The following IMPG1 variants were observed in gnomAD, a reference collection of about 807,000 sequenced individuals.
The protein encoded by IMPG1 is interphotoreceptor matrix proteoglycan 1.
Under a neutral mutation model 92.0 loss-of-function variants are expected in IMPG1, and 85 were observed. The ratio of observed to expected loss-of-function variants is 0.92; its 90% CI spans 0.78 to 1.11. IMPG1 has a LOEUF of 1.11. Ranked by LOEUF, IMPG1 falls within the 50% of genes least tolerant of loss-of-function variation. IMPG1 has a pLI of 0.00. For synonymous variants in IMPG1, 367 were observed against 334.1 expected (o/e 1.10, Z -1.08); for missense variants, 1,022 against 956.0 (o/e 1.07, Z -0.91).
intron 12 of IMPG1, among the ~76,000 whole-genome samples, chr6:75,954,339 T>C (rs1309124390): frequency 6.6e-6 from 1 of 152,244 alleles, no homozygotes; most frequent in Non-Finnish European, 1.5e-5. Context: ...ATTGTGGTTT[T>C]GATTTGCATT....
chr6:76,065,606 T>G (rs1202873805), intron 1 of IMPG1, among the ~76,000 whole-genome samples: 1 of 152,086 alleles, frequency 6.6e-6, no homozygotes, highest in Non-Finnish European at 1.5e-5. Flanking sequence ...AACCTATATG[T>G]AATAGGTATT....
At chr6:76,017,555 A>G (rs1353616083) in intron 7 of IMPG1, among the ~76,000 whole-genome samples, 3 of 152,164 alleles carry the variant, frequency 2.0e-5, no homozygotes, top group Admixed American at 2.0e-4. Context: ...TTTTATTTAA[A>G]TCTACTTTAT....
intron 1 of IMPG1, among the ~76,000 whole-genome samples, chr6:76,042,986 G>A (rs1183864074): frequency 6.6e-6 from 1 of 152,072 alleles, no homozygotes; most frequent in Non-Finnish European, 1.5e-5. Context: ...CAGTTCATCA[G>A]CATTTAGGGT....
chr6:76,062,896 G>A (rs2794290), intron 1 of IMPG1, among the ~76,000 whole-genome samples: 1 of 151,132 alleles, frequency 6.6e-6, no homozygotes. Flanking sequence ...TAACTGGAGA[G>A]AATGGATGCC....
chr6:75,965,593 C>G (rs1174516149), intron 12 of IMPG1, among the ~76,000 whole-genome samples: 6 of 142,814 alleles, frequency 4.2e-5, no homozygotes, highest in Non-Finnish European at 9.1e-5. Flanking sequence ...TTTATATTTT[C>G]TACATACTTG....
chr6:76,055,550 CA>C (rs36062556), intron 1 of IMPG1, among the ~76,000 whole-genome samples: 79,946 of 150,868 alleles, frequency 0.53, 22,628 homozygotes, highest in South Asian at 0.65. Context: ...ACAAAGATAA[CA>C]GAGAGTAATA....
intron 1 of IMPG1, among the ~76,000 whole-genome samples, chr6:76,062,571 C>A (rs531180644): frequency 1.3e-5 from 2 of 152,028 alleles, no homozygotes; most frequent in East Asian, 3.9e-4. Flanking sequence ...CCTATTTTTT[C>A]AAAACTACTC....
chr6:76,034,565 G>C (rs1783702908), intron 3 of IMPG1, 56 bp downstream of exon 3: 2 of 1,576,460 alleles, frequency 1.3e-6, no homozygotes, highest in Admixed American at 1.7e-5. Context: ...CTAGGGGCTG[G>C]AGCCTGGGAA....
At chr6:76,025,308 G>A (rs770247201) in intron 4 of IMPG1, 50 bp from the exon 5 acceptor site, 1 of 988,740 alleles carries the variant, frequency 1.0e-6, no homozygotes, top group Non-Finnish European at 1.6e-6. Flanking sequence ...AGAACTTGAT[G>A]ACAGTAGAGA....
At chr6:75,929,357 G>T (rs1781623320) in intron 15 of IMPG1, among the ~76,000 whole-genome samples, 1 of 151,928 alleles carries the variant, frequency 6.6e-6, no homozygotes, top group Non-Finnish European at 1.5e-5. Context: ...TCTGTATTTT[G>T]CTGGTCATGT....
intron 12 of IMPG1, among the ~76,000 whole-genome samples, chr6:75,986,475 G>C (rs930885511): frequency 1.3e-4 from 20 of 152,304 alleles, no homozygotes; most frequent in African/African-American, 3.8e-4. Flanking sequence ...TGAATTGATG[G>C]AGGACACTGA....
intron 1 of IMPG1, among the ~76,000 whole-genome samples, chr6:76,069,650 T>C (rs1332251892): frequency 1.3e-5 from 2 of 151,860 alleles, no homozygotes; most frequent in Non-Finnish European, 1.5e-5. Flanking sequence ...AATAAATCAT[T>C]CTACCAAAAA....
chr6:75,925,093 T>G (rs1781528478), intron 15 of IMPG1, among the ~76,000 whole-genome samples: 1 of 151,818 alleles, frequency 6.6e-6, no homozygotes, highest in African/African-American at 2.4e-5. Flanking sequence ...TATTTCAAAA[T>G]AGCTAGAAGA....
At chr6:75,944,566 A>G (rs2149455092) in intron 14 of IMPG1, among the ~76,000 whole-genome samples, 1 of 152,300 alleles carries the variant, frequency 6.6e-6, no homozygotes. Flanking sequence ...CAACATAGCC[A>G]GTTTTTGGCA....
At chr6:76,041,649 G>T (rs1783843955) in intron 2 of IMPG1, among the ~76,000 whole-genome samples, 1 of 152,146 alleles carries the variant, frequency 6.6e-6, no homozygotes, top group Non-Finnish European at 1.5e-5. Context: ...GTTTTCTGGT[G>T]ATTTCTAAAT....
In IMPG1 at chr6:76,007,471, C is replaced by A. The variant is rs1186194618; in HGVS notation, c.887+9G>T. The A allele has an allele frequency of 1.9e-6, 3 of 1,593,008 alleles. No homozygotes were observed. The highest frequency in any genetic ancestry group is 1.7e-6 in the Non-Finnish European group (2 of 1,165,812). Reference sequence around the variant, plus strand: ...TGTACTATATTTCAAAACTTAAAGTCCAAATTACCCATCTTTTTCTTTCTT... The same window carrying A: ...TGTACTATATTTCAAAACTTAAAGTACAAATTACCCATCTTTTTCTTTCTT... On this transcript the variant is annotated intron_variant, in intron 9 of 16. Coordinates refer to ENST00000369950, the MANE Select transcript of IMPG1 (RefSeq NM_001563.4).
At position 75,921,176 on chromosome 6, in the gene IMPG1, C is replaced by T. The variant is rs183809242; in HGVS notation, c.*913G>A. ...GTAGCAAATATATCTGATATTAGAACATTTGAAAGAGATAGAGACAGATTC... is the reference window on the plus strand; with the variant it reads ...GTAGCAAATATATCTGATATTAGAATATTTGAAAGAGATAGAGACAGATTC... On this transcript the variant is annotated 3_prime_UTR_variant, in exon 17 of 17. Transcript: ENST00000369950. The T allele has an allele frequency of 6.6e-6, 1 of 151,750 alleles. No homozygotes were observed. Among genetic ancestry groups the T allele is most frequent in the Non-Finnish European group, 1.5e-5 (1 of 68,006 alleles). 9.4% of individuals were successfully genotyped at this position (151,750 alleles called of 1,614,324 possible).
intron 12 of IMPG1, among the ~76,000 whole-genome samples, chr6:75,953,129 G>A (rs1275651735): frequency 6.6e-6 from 1 of 152,154 alleles, no homozygotes; most frequent in African/African-American, 2.4e-5. Context: ...CACAATGATA[G>A]ATGTCTTCAT....
rs1384914258 is a variant in IMPG1 at position 75,974,397 on chromosome 6, T to TTCCTTCCTTGCTTGC, written c.1292-23304_1292-23303insGCAAGCAAGGAAGGA. On this transcript the variant is annotated intron_variant, in intron 12 of 16. Coordinates refer to ENST00000369950, the MANE Select transcript of IMPG1 (RefSeq NM_001563.4). ...TTTCTTTCTTTCTTTCTTTCTTTTC[T>TTCCTTCCTTGCTTGC]TTCTTTCCTTCCTTCCTTCCTTCCT... Among the ~76,000 whole-genome samples, 10 of 81,188 alleles carry TTCCTTCCTTGCTTGC rather than the reference T, an allele frequency of 1.2e-4. 1 individual carries two copies. Among genetic ancestry groups the TTCCTTCCTTGCTTGC allele is most frequent in the African/African-American group, 4.4e-4 (10 of 22,706 alleles). 53.3% of individuals were successfully genotyped at this position (81,188 alleles called of 152,430 possible). A position where few individuals can be genotyped will look rare whatever the true frequency, so the allele number is the denominator to read the frequency against.
Sources: allele counts gnomAD v4.1 joint callset (sites outside exome capture counted in the v4.1 genomes callset), GRCh38; gene constraint gnomAD v4.1.1; transcripts MANE v1.5; gene names NCBI Gene and HGNC (gene_info 2026-07-23, HGNC 2026-07-21).